The following TBC1D22A variants were observed in gnomAD, a reference collection of about 807,000 sequenced individuals.
TBC1D22A encodes the protein putative GTPase activator.
A neutral mutation model predicts 60.2 loss-of-function variants in TBC1D22A; 38 were observed. That is an observed-to-expected ratio of 0.63 (90% CI 0.49 to 0.83). TBC1D22A has a LOEUF of 0.83. Ranked by LOEUF, TBC1D22A falls within the 40% of genes least tolerant of loss-of-function variation. The pLI is 0.00. For synonymous variants in TBC1D22A, 302 were observed against 281.7 expected (o/e 1.07, Z -0.72); for missense variants, 628 against 701.0 (o/e 0.90, Z 1.18).
chr22:46,834,646 A>G (rs1166380782), intron 4 of TBC1D22A, among the ~76,000 whole-genome samples: 4 of 152,214 alleles, frequency 2.6e-5, no homozygotes, highest in Non-Finnish European at 1.5e-5. Context: ...GAGCAAGGAA[A>G]AGGGGCTGGG....
intron 10 of TBC1D22A, among the ~76,000 whole-genome samples, chr22:47,036,098 G>T (rs2062648703): frequency 6.6e-6 from 1 of 152,168 alleles, no homozygotes; most frequent in South Asian, 2.1e-4. Flanking sequence ...GTGGAGAGAA[G>T]GGAGGTGTAA....
intron 12 of TBC1D22A, 86 bp downstream of exon 12, chr22:47,111,689 G>T (rs1006782531): frequency 7.7e-7 from 1 of 1,301,626 alleles, no homozygotes; most frequent in Non-Finnish European, 1.1e-6. Flanking sequence ...AGGGTTATTT[G>T]TGGAAGAGTT....
intron 12 of TBC1D22A, among the ~76,000 whole-genome samples, chr22:47,138,170 C>T (rs773347857): frequency 6.6e-6 from 1 of 152,182 alleles, no homozygotes; most frequent in East Asian, 1.9e-4. Context: ...AGCTGTCTCA[C>T]GGCCCATCAC....
intron 10 of TBC1D22A, among the ~76,000 whole-genome samples, chr22:47,024,726 G>A (rs754147938): frequency 8.5e-5 from 13 of 152,086 alleles, no homozygotes; most frequent in Non-Finnish European, 1.3e-4. Context: ...AGTGGCAGAC[G>A]TGTGCCTGTG....
At chr22:46,882,829 C>G (rs1186217706) in intron 5 of TBC1D22A, among the ~76,000 whole-genome samples, 1 of 152,222 alleles carries the variant, frequency 6.6e-6, no homozygotes, top group Non-Finnish European at 1.5e-5. Context: ...ATTTCAGGGT[C>G]TGGCAAACAT....
Position 46,891,296 on chromosome 22 carries a change from C to A in TBC1D22A, c.739C>A (p.Pro247Thr). The change falls in exon 6 of 13, where the codon CCA becomes ACA. Residue 247 changes from proline (P) to threonine (T), a missense_variant. Coordinates refer to ENST00000337137, the MANE Select transcript of TBC1D22A (RefSeq NM_014346.5). ...CCTTCCCGCCAATGTAGACCGGAGA[C>A]CAGCCACTCTCCAGAGAAAACAAAA... Reference protein sequence around the residue: ...GYLPANVDRRPATLQRKQKEY... With the variant: ...GYLPANVDRRTATLQRKQKEY... 6.2e-7 allele frequency: 1 copy of A among 1,612,822 alleles called. No individual in the cohort carries two copies. The highest frequency in any genetic ancestry group is 1.1e-5 in the South Asian group (1 of 90,750).
chr22:47,133,112 A>T (rs866617592), intron 12 of TBC1D22A, among the ~76,000 whole-genome samples: 2 of 152,382 alleles, frequency 1.3e-5, no homozygotes, highest in Middle Eastern at 3.4e-3. Context: ...TATCCACTTC[A>T]TTCAGTGTTC....
intron 8 of TBC1D22A, among the ~76,000 whole-genome samples, chr22:46,960,369 C>G (rs1217568445): frequency 6.6e-6 from 1 of 152,050 alleles, no homozygotes; most frequent in Non-Finnish European, 1.5e-5. Context: ...TCAAGCGATT[C>G]TTCTGCATCA....
Position 46,908,672 on chromosome 22 carries a change from G to A in TBC1D22A, c.901-3402G>A, listed in dbSNP as rs566489370. 5.9e-5 allele frequency among the ~76,000 whole-genome samples: 9 copies of A among 152,284 alleles called. No individual in the cohort carries two copies. The South Asian group carries it at 1.5e-3, about 25-fold the overall frequency. On this transcript the variant is annotated intron_variant, in intron 7 of 12. Coordinates refer to ENST00000337137, the MANE Select transcript of TBC1D22A (RefSeq NM_014346.5). ...TACCCAGGCTGGTGCGGAGCGTCCCGGAGTCTGGGTGGGCAGAGGCCCTCT... is the reference window on the plus strand; with the variant it reads ...TACCCAGGCTGGTGCGGAGCGTCCCAGAGTCTGGGTGGGCAGAGGCCCTCT...
At position 46,974,318 on chromosome 22, in the gene TBC1D22A, C is replaced by G; in HGVS notation, c.1044C>G (p.Val348=). ...IEAEEVDTVD[V]SGVPAEVLCN... ...CAGAGGAGGTGGACACGGTGGACGTCTCCGGCGTGCCCGCAGAGGTGCTGT... is the reference window on the plus strand; with the variant it reads ...CAGAGGAGGTGGACACGGTGGACGTGTCCGGCGTGCCCGCAGAGGTGCTGT... The change falls in exon 9 of 13, where the codon GTC becomes GTG. Residue 348 remains valine (V), a synonymous_variant. Coordinates refer to ENST00000337137, the MANE Select transcript of TBC1D22A (RefSeq NM_014346.5). 1 of 1,603,238 alleles carries G rather than the reference C, an allele frequency of 6.2e-7. No individual in the cohort carries two copies.
chr22:47,087,241 G>C (rs957092653), intron 11 of TBC1D22A, among the ~76,000 whole-genome samples: 7 of 152,200 alleles, frequency 4.6e-5, no homozygotes, highest in Non-Finnish European at 8.8e-5. Context: ...CAATGAAAAA[G>C]GGTTATAGTC....
intron 4 of TBC1D22A, among the ~76,000 whole-genome samples, chr22:46,819,963 A>G (rs2085758413): frequency 6.6e-6 from 1 of 152,058 alleles, no homozygotes; most frequent in Non-Finnish European, 1.5e-5. Flanking sequence ...GGTTTAGTCT[A>G]GTTAGGGTAT....
Position 47,111,142 on chromosome 22 carries a change from G to A in TBC1D22A, c.1330-366G>A, listed in dbSNP as rs12106639. Among the ~76,000 whole-genome samples the A allele has an allele frequency of 2.9e-3, 448 of 152,310 alleles. 3 individuals carry two copies. Among genetic ancestry groups the A allele is most frequent in the African/African-American group, 0.01 (418 of 41,556 alleles). ...TGGAGTGGGAGGAGGCCTCCCTCAC[G>A]CGCCCTTTGTGAGGAGTAGACTCTG... On this transcript the variant is annotated intron_variant, in intron 11 of 12. Transcript: ENST00000337137.
intron 11 of TBC1D22A, among the ~76,000 whole-genome samples, chr22:47,090,913 G>T (rs563236418): frequency 1.3e-4 from 17 of 126,140 alleles, no homozygotes; most frequent in South Asian, 5.7e-4. Context: ...TCGTCTTTGG[G>T]GGGGTGTGGC....
chr22:47,057,284 C>A (rs1156911083), intron 11 of TBC1D22A, among the ~76,000 whole-genome samples: 2 of 152,200 alleles, frequency 1.3e-5, no homozygotes, highest in Non-Finnish European at 2.9e-5. Context: ...GTCCCAAGCT[C>A]CTCCTTCCAC....
chr22:47,055,764 C>T (rs1731995084), intron 11 of TBC1D22A, among the ~76,000 whole-genome samples: 1 of 152,072 alleles, frequency 6.6e-6, no homozygotes, highest in Non-Finnish European at 1.5e-5. Flanking sequence ...TTAAAAGCCT[C>T]TGTCTGCTGC....
chr22:46,792,771 G>A (rs541520891), intron 2 of TBC1D22A, 195 bp downstream of exon 2: 14 of 1,462,838 alleles, frequency 9.6e-6, no homozygotes, highest in African/African-American at 7.0e-5. Flanking sequence ...CGGTGAAGAC[G>A]GCGGATGTGG....
In TBC1D22A at chr22:46,762,704, C is replaced by T; in HGVS notation, c.-83C>T. The T allele has an allele frequency of 2.4e-6, 3 of 1,261,868 alleles. No homozygotes were observed. The highest frequency in any genetic ancestry group is 3.1e-6 in the Non-Finnish European group (3 of 963,982). 78.2% of individuals were successfully genotyped at this position (1,261,868 alleles called of 1,614,324 possible). A position where few individuals can be genotyped will look rare whatever the true frequency, so the allele number is the denominator to read the frequency against. On this transcript the variant is annotated 5_prime_UTR_variant, in exon 1 of 13. Coordinates refer to ENST00000337137, the MANE Select transcript of TBC1D22A (RefSeq NM_014346.5). ...GTCCCGGGAGCAGTGAGGGGCCACC[C>T]GGGGCACAGGAAAGGGCCGCTAGGG...
chr22:47,158,070 GGC>G (rs1232500113), intron 12 of TBC1D22A, among the ~76,000 whole-genome samples: 3 of 152,336 alleles, frequency 2.0e-5, no homozygotes, highest in Admixed American at 1.3e-4. Flanking sequence ...CATCTGTGAG[GGC>G]GCGTCTCACC....
Sources: gnomAD v4.1 joint callset for allele counts (sites outside exome capture counted in the v4.1 genomes callset) on GRCh38, gnomAD v4.1.1 for gene constraint, MANE v1.5 for transcripts, NCBI Gene and HGNC (gene_info 2026-07-23, HGNC 2026-07-21) for gene names.